PTPN6: variants seen among roughly 807,000 people sequenced by gnomAD.
PTPN6 encodes the protein protein tyrosine phosphatase non-receptor type 6.
Under a neutral mutation model 81.5 loss-of-function variants are expected in PTPN6, and 18 were observed. That is an observed-to-expected ratio of 0.22 (90% CI 0.15 to 0.33). The LOEUF is 0.33. PTPN6 is among the 10% of genes least tolerant of loss of function. PTPN6 has a pLI of 1.00. For synonymous variants in PTPN6, 301 were observed against 310.9 expected, an observed-to-expected ratio of 0.97 and a Z score of 0.33; for missense variants, 500 against 794.2, an observed-to-expected ratio of 0.63 and a Z score of 4.45.
chr12:6,947,704 C>T (rs991984425), upstream of PTPN6, among the ~76,000 whole-genome samples: 12 of 150,652 alleles, frequency 8.0e-5, no homozygotes, highest in Non-Finnish European at 1.5e-4. Context: ...GAACCAGCTT[C>T]ATATGCTAGC....
chr12:6,954,753 G>C lies in PTPN6; in HGVS notation c.327-52G>C. On this transcript the variant is annotated intron_variant, in intron 3 of 15. Coordinates refer to ENST00000318974, the MANE Select transcript of PTPN6 (RefSeq NM_002831.6). This position sits in a 1 kb window ranked among gnomAD's most constrained non-coding sequence, Gnocchi z 5.4. The stretch of plus-strand genomic sequence containing the variant: ...CCCTCTCTGTGAATGTCTCTGCTCA[G>C]CGCCTTCCCCTGTGGCCTGGGTCTT... 6.4e-7 allele frequency: 1 copy of C among 1,568,876 alleles called. No homozygotes were observed. Among genetic ancestry groups the C allele is most frequent in the Non-Finnish European group, 8.7e-7 (1 of 1,150,150 alleles).
rs782089024 is a variant in PTPN6 at position 6,951,953 on chromosome 12, C to T, written c.132-30C>T. 14 of 1,610,416 alleles carry T rather than the reference C, an allele frequency of 8.7e-6. No individual in the cohort carries two copies. The highest frequency in any genetic ancestry group is 4.0e-5 in the African/African-American group (3 of 74,822). On this transcript the variant is annotated intron_variant, in intron 2 of 15. Transcript: ENST00000318974. The surrounding 1 kb of genome is among the most constrained non-coding windows in gnomAD (Gnocchi z 7.2). ...TGCCCTCCTGCCTCTACTCCTGCAC[C>T]GACTGGCCTCACCGCCTGGTGCCCT... is the stretch of plus-strand genomic sequence containing the variant.
Position 6,955,098 on chromosome 12 carries a change from A to C in PTPN6, c.517-53A>C. The stretch of plus-strand genomic sequence containing the variant: ...CCTGGGCTTGAATTCAAGGCTGGGG[A>C]CCCAGGGAGGGAGACTCAAGTCCTG... On this transcript the variant is annotated intron_variant, in intron 4 of 15. Coordinates refer to ENST00000318974, the MANE Select transcript of PTPN6 (RefSeq NM_002831.6). This position sits in a 1 kb window ranked among gnomAD's most constrained non-coding sequence, Gnocchi z 7.2. 6.2e-7 allele frequency: 1 copy of C among 1,608,986 alleles called. No homozygotes were observed. The highest frequency in any genetic ancestry group is 8.5e-7 in the Non-Finnish European group (1 of 1,175,472).
rs782213303 is a variant in PTPN6 at position 6,954,850 on chromosome 12, G to A, written c.372G>A (p.Leu124=). The change falls in exon 4 of 16, where the codon CTG becomes CTA. Residue 124 remains leucine, a synonymous_variant. Coordinates refer to ENST00000318974, the MANE Select transcript of PTPN6 (RefSeq NM_002831.6). The surrounding 1 kb of genome is among the most constrained non-coding windows in gnomAD (Gnocchi z 5.4). ...HMSGGQAETL[L]QAKGEPWTFL... Reference sequence around the variant, plus strand: ...CTGGCGGGCAGGCAGAGACGCTGCTGCAGGCCAAGGGCGAGCCCTGGACGT... The same window carrying A: ...CTGGCGGGCAGGCAGAGACGCTGCTACAGGCCAAGGGCGAGCCCTGGACGT... 2 of 1,614,198 alleles carry A rather than the reference G, an allele frequency of 1.2e-6. No individual in the cohort carries two copies. The highest frequency in any genetic ancestry group is 1.7e-6 in the Non-Finnish European group (2 of 1,180,048).
In PTPN6 at chr12:6,960,416, G is replaced by T. The variant is rs782253557; in HGVS notation, c.1654G>T (p.Ala552Ser). The change falls in exon 14 of 16, where the codon GCC (alanine) becomes TCC (serine). Residue 552 changes from alanine to serine, a missense_variant. Physicochemically the swap from Ala to Ser is moderately conservative, Grantham distance 99. This residue lies in a region of PTPN6 where 56 missense variants were observed against 56.4 expected (regional missense o/e 0.99). Transcript: ENST00000318974. This position sits in a 1 kb window ranked among gnomAD's most constrained non-coding sequence, Gnocchi z 6.1. ...PPAMKNAHAK[A>S]SRTSSKHKED... ...AGCCATGAAGAATGCCCATGCCAAG[G>T]CCTCCCGCACCTCGTCCAAGTGAGT... 1.9e-6 allele frequency: 3 copies of T among 1,613,720 alleles called. No individual in the cohort carries two copies. Among genetic ancestry groups the T allele is most frequent in the Admixed American group, 1.7e-5 (1 of 60,004 alleles).
Position 6,961,172 on chromosome 12 carries a change from A to G in PTPN6, c.*72A>G. On this transcript the variant is annotated 3_prime_UTR_variant, in exon 16 of 16. Coordinates refer to ENST00000318974, the MANE Select transcript of PTPN6 (RefSeq NM_002831.6). The stretch of plus-strand genomic sequence containing the variant: ...AGCATTTCGCGATGGACAGACTCAC[A>G]ACCTGAACCTAGGAGTGCCCCATTC... The G allele has an allele frequency of 3.3e-6, 2 of 610,178 alleles. No individual in the cohort carries two copies. Among genetic ancestry groups the G allele is most frequent in the Non-Finnish European group, 5.6e-6 (2 of 359,124 alleles). 37.8% of individuals were successfully genotyped at this position (610,178 alleles called of 1,614,324 possible).
upstream of PTPN6, among the ~76,000 whole-genome samples, chr12:6,946,903 A>AC (rs1945830684): frequency 7.2e-6 from 1 of 139,648 alleles, no homozygotes; most frequent in South Asian, 2.1e-4. Context: ...AGGTGTGAGG[A>AC]CCCCCGGCTC....
At chr12:6,950,687 T>G (rs782669155), upstream of PTPN6, among the ~76,000 whole-genome samples, 1 of 152,344 alleles carries the variant, frequency 6.6e-6, no homozygotes, top group East Asian at 1.9e-4. Flanking sequence ...ATTAGTCTCC[T>G]GCTCCCATGG....
rs782076653 is a variant in PTPN6 at position 6,960,723 on chromosome 12, G to C, written c.1674-83G>C. On this transcript the variant is annotated intron_variant, in intron 14 of 15. Transcript: ENST00000318974. The surrounding 1 kb of genome is among the most constrained non-coding windows in gnomAD (Gnocchi z 6.1). ...CACCTGTGAGACGGGGTGGCCAGAG[G>C]GGACTGCCAGTGCCGGGTCCCCCTG... 2.6e-5 allele frequency: 40 copies of C among 1,551,460 alleles called. No individual in the cohort carries two copies. The highest frequency in any genetic ancestry group is 3.4e-5 in the Non-Finnish European group (39 of 1,147,002).
chr12:6,951,486 C>T lies in PTPN6; in HGVS notation c.-27C>T, dbSNP rs1555147707. On this transcript the variant is annotated 5_prime_UTR_variant, in exon 1 of 16. Coordinates refer to ENST00000318974, the MANE Select transcript of PTPN6 (RefSeq NM_002831.6). This position sits in a 1 kb window ranked among gnomAD's most constrained non-coding sequence, Gnocchi z 7.2. The stretch of plus-strand genomic sequence containing the variant: ...TAGCTGCACCTCCTCATTCCCTGCG[C>T]CCCCTTCCTCTCCGGAAGCCCCCAG... 1.2e-6 allele frequency: 2 copies of T among 1,613,784 alleles called. No individual in the cohort carries two copies. The highest frequency in any genetic ancestry group is 3.3e-5 in the Admixed American group (2 of 59,998).
upstream of PTPN6, among the ~76,000 whole-genome samples, chr12:6,949,792 A>G (rs1448738651): frequency 6.7e-6 from 1 of 149,226 alleles, no homozygotes; most frequent in African/African-American, 2.5e-5. Context: ...TTGTATCACC[A>G]TTGATCTTGA....
In PTPN6 at chr12:6,951,479, C is replaced by T; in HGVS notation, c.-34C>T. 3 of 1,613,646 alleles carry T rather than the reference C, an allele frequency of 1.9e-6. No individual in the cohort carries two copies. The highest frequency in any genetic ancestry group is 1.7e-6 in the Non-Finnish European group (2 of 1,179,806). The stretch of plus-strand genomic sequence containing the variant: ...CCCAGACTAGCTGCACCTCCTCATT[C>T]CCTGCGCCCCCTTCCTCTCCGGAAG... On this transcript the variant is annotated 5_prime_UTR_variant, in exon 1 of 16. Transcript: ENST00000318974. The surrounding 1 kb of genome is among the most constrained non-coding windows in gnomAD (Gnocchi z 7.2).
rs1324335687 is a variant in PTPN6 at position 6,960,984 on chromosome 12, C to G, written c.*25+39C>G. On this transcript the variant is annotated intron_variant, in intron 15 of 15. Coordinates refer to ENST00000318974, the MANE Select transcript of PTPN6 (RefSeq NM_002831.6). This position sits in a 1 kb window ranked among gnomAD's most constrained non-coding sequence, Gnocchi z 6.1. Reference sequence around the variant, plus strand: ...GCCTGGGTGTCCTCCCTGCCCTGCCCTGTGTCCTTGGCTCCACTGCCTTCC... The same window carrying G: ...GCCTGGGTGTCCTCCCTGCCCTGCCGTGTGTCCTTGGCTCCACTGCCTTCC... 6 of 1,550,392 alleles carry G rather than the reference C, an allele frequency of 3.9e-6. No individual in the cohort carries two copies. The highest frequency in any genetic ancestry group is 2.0e-5 in the Admixed American group (1 of 51,046).
In PTPN6 at chr12:6,960,005, C is replaced by A. The variant is rs1555149424; in HGVS notation, c.1429+11C>A. ...ACATCTCCACCAAGGGTGAGGGGCA[C>A]CTGGGGGTTTGGGGGTGGGGGGTGA... is the stretch of plus-strand genomic sequence containing the variant. On this transcript the variant is annotated intron_variant, in intron 12 of 15. Transcript: ENST00000318974. The surrounding 1 kb of genome is among the most constrained non-coding windows in gnomAD (Gnocchi z 6.1). 6.2e-7 allele frequency: 1 copy of A among 1,607,874 alleles called. No individual in the cohort carries two copies. Among genetic ancestry groups the A allele is most frequent in the Non-Finnish European group, 8.5e-7 (1 of 1,176,680 alleles).
chr12:6,956,276 T>G lies in PTPN6; in HGVS notation c.924+55T>G. The G allele has an allele frequency of 1.2e-6, 2 of 1,609,678 alleles. No individual in the cohort carries two copies. Among genetic ancestry groups the G allele is most frequent in the Non-Finnish European group, 1.7e-6 (2 of 1,176,062 alleles). On this transcript the variant is annotated intron_variant, in intron 8 of 15. Transcript: ENST00000318974. The surrounding 1 kb of genome is among the most constrained non-coding windows in gnomAD (Gnocchi z 4.1). The stretch of plus-strand genomic sequence containing the variant: ...GGCTGGGCCCTGGGAATTCCCTGTC[T>G]GGTGGGGGGACCCTAGATCCAGAGA...
At position 6,960,278 on chromosome 12, in the gene PTPN6, A is replaced by G; in HGVS notation, c.1581+39A>G. ...AGGGCCTGGGGGGGGGGGGGGCTGC[A>G]GTGCAGGATGGGTGCCACCTGGCCC... On this transcript the variant is annotated intron_variant, in intron 13 of 15. Transcript: ENST00000318974. This position sits in a 1 kb window ranked among gnomAD's most constrained non-coding sequence, Gnocchi z 6.1. The G allele has an allele frequency of 6.2e-7, 1 of 1,604,576 alleles. No individual in the cohort carries two copies. Among genetic ancestry groups the G allele is most frequent in the Non-Finnish European group, 8.5e-7 (1 of 1,177,354 alleles).
At chr12:6,946,792 G>A, upstream of PTPN6, 1 of 1,561,826 alleles carries the variant, frequency 6.4e-7, no homozygotes, top group Non-Finnish European at 8.8e-7. Flanking sequence ...TTGGAGGGAG[G>A]GAGGGCTTTG....
Position 6,959,564 on chromosome 12 carries a change from G to T in PTPN6, c.1362-363G>T. 1 of 466,426 alleles carries T rather than the reference G, an allele frequency of 2.1e-6. No individual in the cohort carries two copies. Among genetic ancestry groups the T allele is most frequent in the Non-Finnish European group, 3.9e-6 (1 of 254,546 alleles). The allele number at this position is 466,426 out of a possible 1,614,324, so 28.9% of individuals were successfully genotyped here. ...ACGCTCCATAACTCCTTCAGGGAGAGGCGGGGAGGGCTCAGGGTACCTGGG... is the reference window on the plus strand; with the variant it reads ...ACGCTCCATAACTCCTTCAGGGAGATGCGGGGAGGGCTCAGGGTACCTGGG... On this transcript the variant is annotated intron_variant, in intron 11 of 15. Transcript: ENST00000318974. This position sits in a 1 kb window ranked among gnomAD's most constrained non-coding sequence, Gnocchi z 6.6.
chr12:6,951,412 T>G lies in PTPN6; in HGVS notation c.-101T>G, dbSNP rs1591683354. 1 of 1,559,344 alleles carries G rather than the reference T, an allele frequency of 6.4e-7. No individual in the cohort carries two copies. Among genetic ancestry groups the G allele is most frequent in the East Asian group, 2.4e-5 (1 of 41,394 alleles). On this transcript the variant is annotated 5_prime_UTR_variant, in exon 1 of 16. Coordinates refer to ENST00000318974, the MANE Select transcript of PTPN6 (RefSeq NM_002831.6). The surrounding 1 kb of genome is among the most constrained non-coding windows in gnomAD (Gnocchi z 7.2). ...CGGGGGTGGTGAGGCGGCCCGGCAC[T>G]GGGAGCTGCATCTGAGGCTTAGTCC...
Sources: gnomAD v4.1 joint callset for allele counts (sites outside exome capture counted in the v4.1 genomes callset) on GRCh38, gnomAD v4.1.1 for gene constraint, gnomAD v4.1.1 regional missense constraint, Gnocchi (gnomAD v3.1) non-coding constraint, MANE v1.5 for transcripts, NCBI Gene and HGNC (gene_info 2026-07-23, HGNC 2026-07-21) for gene names.